Variants in FCRL5 observed in about 807,000 individuals in gnomAD.
FCRL5 encodes Fc receptor like 5, also known as Fc receptor-like protein 5.
A neutral mutation model predicts 92.1 loss-of-function variants in FCRL5; 79 were observed. The ratio of observed to expected loss-of-function variants is 0.86; its 90% CI spans 0.72 to 1.03. The LOEUF (loss-of-function observed/expected upper bound fraction) is 1.03, where lower values mean the gene tolerates loss of function less well. Among genes scored for constraint, FCRL5 ranks in the 50% least tolerant of loss-of-function variants. FCRL5 has a pLI of 0.00. For missense variants in FCRL5, 1,160 were observed against 1,181.1 expected, an observed-to-expected ratio of 0.98 and a Z score of 0.26; for synonymous variants, 466 against 469.3, an observed-to-expected ratio of 0.99 and a Z score of 0.09.
chr1:157,525,102 G>A (rs1420831143), intron 9 of FCRL5, among the ~76,000 whole-genome samples: 1 of 152,188 alleles, frequency 6.6e-6, no homozygotes, highest in Non-Finnish European at 1.5e-5. Flanking sequence ...AATCAGTGAT[G>A]AGAAAGACAT....
At chr1:157,543,931 A>G (rs536268226) in intron 5 of FCRL5, among the ~76,000 whole-genome samples, 18 of 152,314 alleles carry the variant, frequency 1.2e-4, no homozygotes, top group Non-Finnish European at 2.4e-4. Context: ...TGTACACCAG[A>G]GTCAGAGAGC....
In FCRL5 at chr1:157,543,157, A is replaced by C. The variant is rs1297905658; in HGVS notation, c.845-20T>G. The C allele has an allele frequency of 2.5e-6, 4 of 1,605,726 alleles. No homozygotes were observed. In the East Asian group the frequency reaches 8.9e-5, roughly 36 times the overall value. The stretch of plus-strand genomic sequence containing the variant: ...CAGGGACTGAGCAAGAGAAAAAATT[A>C]GTCAAGAATTGCTTTTGCCTCTTAC... On this transcript the variant is annotated intron_variant, in intron 5 of 16. Transcript: ENST00000361835.
intron 15 of FCRL5, 147 bp downstream of exon 15, chr1:157,518,282 C>G (rs1650017301): frequency 1.5e-6 from 1 of 652,818 alleles, no homozygotes; most frequent in African/African-American, 1.8e-5. Context: ...TCACCTGAAG[C>G]AGCATAGGCA....
chr1:157,545,215 T>C (rs1037345722), intron 3 of FCRL5, 133 bp from the exon 4 acceptor site: 2 of 1,097,154 alleles, frequency 1.8e-6, no homozygotes, highest in African/African-American at 3.2e-5. Flanking sequence ...TCATTTCTTT[T>C]TTTCTGATTT....
chr1:157,552,180 C>A (rs549120369), intron 1 of FCRL5, 152 bp downstream of exon 1: 6 of 682,384 alleles, frequency 8.8e-6, no homozygotes, highest in African/African-American at 5.4e-5. Flanking sequence ...AGAGAAAGCC[C>A]TGAGCTACAG....
intron 6 of FCRL5, among the ~76,000 whole-genome samples, chr1:157,539,602 A>G (rs567187766): frequency 1.4e-4 from 22 of 152,338 alleles, no homozygotes; most frequent in Admixed American, 1.3e-3. Flanking sequence ...TGTGGGCCCC[A>G]AGATCTTTAC....
At chr1:157,518,565 C>A in intron 14 of FCRL5, 68 bp from the exon 15 acceptor site, 1 of 1,494,458 alleles carries the variant, frequency 6.7e-7, no homozygotes, top group East Asian at 2.3e-5. Context: ...ACTTCCTCCT[C>A]CCCCAGCCAG....
rs189463911 is a variant in FCRL5, at chr1:157,522,977, G to A, written c.2239+1302C>T. On this transcript the variant is annotated intron_variant, in intron 10 of 16. Coordinates refer to ENST00000361835, the MANE Select transcript of FCRL5 (RefSeq NM_031281.3). ...AGCCCCTGCAAATCTCAGGAAAATTGGATGAGGTTGGTGCTGCTGGTGGGG... is the reference window on the plus strand; with the variant it reads ...AGCCCCTGCAAATCTCAGGAAAATTAGATGAGGTTGGTGCTGCTGGTGGGG... Among the ~76,000 whole-genome samples, 94 of 152,298 alleles carry A rather than the reference G, an allele frequency of 6.2e-4. 1 individual carries two copies. The highest frequency in any genetic ancestry group is 1.6e-3 in the Admixed American group (25 of 15,292).
chr1:157,549,621 A>T, intron 1 of FCRL5, 41 bp from the exon 2 acceptor site: 1 of 1,595,340 alleles, frequency 6.3e-7, no homozygotes, highest in East Asian at 2.2e-5. Context: ...CAGAACCATG[A>T]TTATTTTGTT....
intron 2 of FCRL5, among the ~76,000 whole-genome samples, chr1:157,549,158 T>C (rs988916709): frequency 1.3e-5 from 2 of 151,890 alleles, no homozygotes; most frequent in Non-Finnish European, 2.9e-5. Flanking sequence ...AGCTGGAAAC[T>C]GTCATTCTCA....
intron 6 of FCRL5, chr1:157,541,986 G>C (rs1174626316): frequency 2.6e-5 from 4 of 155,830 alleles, no homozygotes; most frequent in African/African-American, 9.6e-5. Context: ...TCTCCCGCTG[G>C]GTTCCCTGGT....
At chr1:157,539,580 T>C (rs1651151469) in intron 6 of FCRL5, among the ~76,000 whole-genome samples, 1 of 152,248 alleles carries the variant, frequency 6.6e-6, no homozygotes, top group African/African-American at 2.4e-5. Flanking sequence ...ATTTGTCCAC[T>C]GAAATATTAT....
chr1:157,520,370 C>A, intron 12 of FCRL5, 61 bp downstream of exon 12: 1 of 1,219,598 alleles, frequency 8.2e-7, no homozygotes, highest in Non-Finnish European at 1.2e-6. Context: ...AGCATGAAGC[C>A]CAAGGGAGCG....
At chr1:157,551,070 C>T (rs1651787385) in intron 1 of FCRL5, among the ~76,000 whole-genome samples, 2 of 152,188 alleles carry the variant, frequency 1.3e-5, no homozygotes, top group Non-Finnish European at 2.9e-5. Flanking sequence ...TTAAATGAAG[C>T]TAATATTTTT....
At chr1:157,534,583 G>C (rs370900292) in intron 8 of FCRL5, 31 bp downstream of exon 8, 13 of 1,613,392 alleles carry the variant, frequency 8.1e-6, no homozygotes, top group Non-Finnish European at 9.3e-6. Flanking sequence ...CTCAGCCAGG[G>C]GTGGGTGACT....
intron 3 of FCRL5, chr1:157,546,201 G>A (rs552639415): frequency 2.8e-4 from 122 of 441,840 alleles, no homozygotes; most frequent in Non-Finnish European, 4.5e-4. Flanking sequence ...TAATCCCAGC[G>A]CTTTGAGAGG....
intron 15 of FCRL5, among the ~76,000 whole-genome samples, chr1:157,517,737 A>G (rs928556401): frequency 1.3e-5 from 2 of 152,150 alleles, no homozygotes; most frequent in African/African-American, 4.8e-5. Context: ...CCCCAAATTT[A>G]TGGTCATTTG....
chr1:157,529,590 T>TAC (rs1342114996), intron 8 of FCRL5, among the ~76,000 whole-genome samples: 1 of 69,412 alleles, frequency 1.4e-5, no homozygotes, highest in African/African-American at 5.1e-5. Context: ...ATGTGATACA[T>TAC]ACGCATGTGT....
In FCRL5 at chr1:157,523,982, T is replaced by G. The variant is rs1373148614; in HGVS notation, c.2239+297A>C. 9.1e-6 allele frequency: 4 copies of G among 440,090 alleles called. No homozygotes were observed. The East Asian group carries it at 1.3e-4, about 14-fold the overall frequency. 27.3% of individuals were successfully genotyped at this position (440,090 alleles called of 1,614,324 possible). ...AACATATGCTCAGAATTCTTTGGTT[T>G]CATTTTCATGTAATAATTTCAGTTC... On this transcript the variant is annotated intron_variant, in intron 10 of 16. Transcript: ENST00000361835.
Sources: gnomAD v4.1 joint callset for allele counts (sites outside exome capture counted in the v4.1 genomes callset) on GRCh38, gnomAD v4.1.1 for gene constraint, MANE v1.5 for transcripts, NCBI Gene and HGNC (gene_info 2026-07-23, HGNC 2026-07-21) for gene names.